The following KCNH7 variants were observed in gnomAD, a reference collection of about 807,000 sequenced individuals.
The protein encoded by KCNH7 is potassium voltage-gated channel subfamily H member 7, also known as voltage-gated inwardly rectifying potassium channel KCNH7.
Under a neutral mutation model 120.8 loss-of-function variants are expected in KCNH7, and 49 were observed. That is an observed-to-expected ratio of 0.41 (90% CI 0.32 to 0.51). The LOEUF is 0.51. Among genes scored for constraint, KCNH7 ranks in the 20% least tolerant of loss-of-function variants. The pLI is 0.38. For synonymous variants in KCNH7, 547 were observed against 516.1 expected, an observed-to-expected ratio of 1.06 and a Z score of -0.81; for missense variants, 1,097 against 1,446.6, an observed-to-expected ratio of 0.76 and a Z score of 3.92.
chr2:162,580,326 T>C (rs1304644180), intron 2 of KCNH7, among the ~76,000 whole-genome samples: 1 of 152,066 alleles, frequency 6.6e-6, no homozygotes, highest in East Asian at 1.9e-4. Flanking sequence ...CCAGTACATA[T>C]CCTTCAGGAA....
At chr2:162,600,092 T>C (rs1206942958) in intron 2 of KCNH7, among the ~76,000 whole-genome samples, 1 of 152,130 alleles carries the variant, frequency 6.6e-6, no homozygotes, top group African/African-American at 2.4e-5. Flanking sequence ...GTGATGTACT[T>C]GGCAAACTTA....
At chr2:162,718,871 G>A (rs1687227839) in intron 2 of KCNH7, among the ~76,000 whole-genome samples, 1 of 151,998 alleles carries the variant, frequency 6.6e-6, no homozygotes, top group Non-Finnish European at 1.5e-5. Flanking sequence ...AGGTAAGTGA[G>A]TAAACTTTAT....
At chr2:162,517,148 C>G (rs532558055) in intron 4 of KCNH7, among the ~76,000 whole-genome samples, 1 of 151,670 alleles carries the variant, frequency 6.6e-6, no homozygotes, top group Non-Finnish European at 1.5e-5. Flanking sequence ...TCAAAGAGGC[C>G]AGGGAGAATA....
chr2:162,580,487 C>T (rs10930058), intron 2 of KCNH7, among the ~76,000 whole-genome samples: 6,678 of 152,068 alleles, frequency 0.044, 293 homozygotes, highest in East Asian at 0.11. Context: ...CACAAAATTA[C>T]CCTATTCCAC....
chr2:162,577,352 T>TCCATC (rs1559025403), intron 2 of KCNH7, among the ~76,000 whole-genome samples: 92 of 40,864 alleles, frequency 2.3e-3, no homozygotes, highest in South Asian at 6.3e-3. Flanking sequence ...ATCCATCCTA[T>TCCATC]CTATCTATCT....
At chr2:162,522,686 A>C (rs1691573674) in intron 3 of KCNH7, among the ~76,000 whole-genome samples, 1 of 151,912 alleles carries the variant, frequency 6.6e-6, no homozygotes, top group African/African-American at 2.4e-5. Flanking sequence ...ATAATGCTCA[A>C]TAAATGTGAA....
chr2:162,792,340 A>G (rs1683978324), intron 2 of KCNH7, among the ~76,000 whole-genome samples: 1 of 152,032 alleles, frequency 6.6e-6, no homozygotes, highest in Non-Finnish European at 1.5e-5. Flanking sequence ...TTTTTTTGGA[A>G]TAGTTTCAGC....
chr2:162,666,466 A>T (rs147910466), intron 2 of KCNH7, among the ~76,000 whole-genome samples: 1,625 of 150,956 alleles, frequency 0.011, 9 homozygotes, highest in Non-Finnish European at 0.017. Context: ...CTCATCTATG[A>T]TTTTCTTCAC....
chr2:162,399,744 T>C (rs1687015981), intron 10 of KCNH7, among the ~76,000 whole-genome samples: 1 of 151,870 alleles, frequency 6.6e-6, no homozygotes, highest in Non-Finnish European at 1.5e-5. Context: ...CAGGTAAAAA[T>C]GCACAATGAA....
chr2:162,510,713 T>TG (rs1691042268), intron 5 of KCNH7, among the ~76,000 whole-genome samples: 1 of 151,720 alleles, frequency 6.6e-6, no homozygotes, highest in Admixed American at 6.6e-5. Flanking sequence ...AAACCTGCAT[T>TG]TTTTAGTTTT....
intron 5 of KCNH7, among the ~76,000 whole-genome samples, chr2:162,512,301 C>A (rs1430367189): frequency 6.6e-6 from 1 of 151,754 alleles, no homozygotes; most frequent in Non-Finnish European, 1.5e-5. Context: ...TTTAATCTTG[C>A]ACTCAAATTT....
chr2:162,467,427 G>A (rs966536473), intron 6 of KCNH7, among the ~76,000 whole-genome samples: 5 of 152,212 alleles, frequency 3.3e-5, no homozygotes, highest in East Asian at 3.9e-4. Context: ...GTGAGTTATC[G>A]CTTTATTAGT....
chr2:162,638,233 T>C (rs1487482072), intron 2 of KCNH7, among the ~76,000 whole-genome samples: 1 of 152,082 alleles, frequency 6.6e-6, no homozygotes, highest in Non-Finnish European at 1.5e-5. Context: ...AAACAGTCAC[T>C]GGAGGCACAT....
At position 162,838,610 on chromosome 2, in the gene KCNH7, C is replaced by A; in HGVS notation, c.-92G>T. ...CTAGAGCCCAGGCCAGCGCGCGAGCCGCTCTTTGTGGCAGAGCATCCTCTT... is the reference window on the plus strand; with the variant it reads ...CTAGAGCCCAGGCCAGCGCGCGAGCAGCTCTTTGTGGCAGAGCATCCTCTT... On this transcript the variant is annotated 5_prime_UTR_variant, in exon 1 of 16. Coordinates refer to ENST00000332142, the MANE Select transcript of KCNH7 (RefSeq NM_033272.4). 1 of 1,010,648 alleles carries A rather than the reference C, an allele frequency of 9.9e-7. No individual in the cohort carries two copies. The allele number at this position is 1,010,648 out of a possible 1,614,324, so 62.6% of individuals were successfully genotyped here. A position where few individuals can be genotyped will look rare whatever the true frequency, so the allele number is the denominator to read the frequency against.
intron 2 of KCNH7, among the ~76,000 whole-genome samples, chr2:162,621,887 G>A (rs1683375302): frequency 6.6e-6 from 1 of 152,122 alleles, no homozygotes; most frequent in Non-Finnish European, 1.5e-5. Context: ...AGTTGCATGT[G>A]TAGTACAAAT....
At chr2:162,574,707 G>A (rs1693611076) in intron 2 of KCNH7, among the ~76,000 whole-genome samples, 1 of 152,058 alleles carries the variant, frequency 6.6e-6, no homozygotes, top group East Asian at 1.9e-4. Context: ...GGTGAAAGGA[G>A]CCTGTGAGCT....
At chr2:162,783,817 C>G (rs79449998) in intron 2 of KCNH7, among the ~76,000 whole-genome samples, 144 of 152,128 alleles carry the variant, frequency 9.5e-4, no homozygotes, top group African/African-American at 3.3e-3. Context: ...TCTTTAATAC[C>G]TGAGCTTCGA....
At chr2:162,591,366 A>G (rs1237214772) in intron 2 of KCNH7, among the ~76,000 whole-genome samples, 1 of 152,006 alleles carries the variant, frequency 6.6e-6, no homozygotes, top group Non-Finnish European at 1.5e-5. Context: ...CAAGCATATA[A>G]AAGAGCTCAA....
intron 2 of KCNH7, among the ~76,000 whole-genome samples, chr2:162,819,052 G>A (rs1685011725): frequency 6.6e-6 from 1 of 152,084 alleles, no homozygotes; most frequent in Admixed American, 6.6e-5. Flanking sequence ...TCAATGTCAT[G>A]AAAGACAAGA....
Sources: allele counts gnomAD v4.1 joint callset (sites outside exome capture counted in the v4.1 genomes callset), GRCh38; gene constraint gnomAD v4.1.1; transcripts MANE v1.5; gene names NCBI Gene and HGNC (gene_info 2026-07-23, HGNC 2026-07-21).